PTPN2: variants seen among roughly 807,000 people sequenced by gnomAD.
PTPN2 encodes the protein tyrosine-protein phosphatase non-receptor type 2.
Under a neutral mutation model 57.3 loss-of-function variants are expected in PTPN2, and 19 were observed. The observed-to-expected ratio is 0.33, with a 90% CI of 0.23 to 0.49. The LOEUF is 0.49. Ranked by LOEUF, PTPN2 falls within the 20% of genes least tolerant of loss-of-function variation. The pLI is 0.99. For missense variants in PTPN2, 358 were observed against 501.1 expected (o/e 0.71, Z 2.73); for synonymous variants, 153 against 164.9 (o/e 0.93, Z 0.55).
chr18:12,861,288 T>C (rs1598868160), intron 1 of PTPN2, among the ~76,000 whole-genome samples: 1 of 152,222 alleles, frequency 6.6e-6, no homozygotes, highest in African/African-American at 2.4e-5. Flanking sequence ...AAATTTAATT[T>C]TATCCCTTCC....
intron 1 of PTPN2, among the ~76,000 whole-genome samples, chr18:12,876,816 C>T (rs1008199435): frequency 3.9e-5 from 6 of 152,216 alleles, no homozygotes; most frequent in Non-Finnish European, 5.9e-5. Context: ...CAAGTCTGAT[C>T]CCTGGATCCC....
chr18:12,845,905 T>C (rs113267710), intron 2 of PTPN2, among the ~76,000 whole-genome samples: 24 of 152,314 alleles, frequency 1.6e-4, no homozygotes, highest in African/African-American at 5.8e-4. Context: ...AAATTAACAG[T>C]GATACTTTAC....
chr18:12,791,877 T>G (rs2040992864), downstream of PTPN2, among the ~76,000 whole-genome samples: 2 of 152,226 alleles, frequency 1.3e-5, no homozygotes, highest in Admixed American at 1.3e-4. Context: ...CCTCAAGTCT[T>G]CACCTGTGTA....
At chr18:12,883,889 T>TTTTTA in intron 1 of PTPN2, 184 bp downstream of exon 1, 1 of 471,330 alleles carries the variant, frequency 2.1e-6, no homozygotes, top group Non-Finnish European at 3.7e-6. Context: ...TTTTTTTTTT[T>TTTTTA]AAACCAAAAG....
chr18:12,871,252 G>C (rs893086788), intron 1 of PTPN2, among the ~76,000 whole-genome samples: 2 of 152,186 alleles, frequency 1.3e-5, no homozygotes, highest in Non-Finnish European at 2.9e-5. Flanking sequence ...AAATAATGCT[G>C]CTATGAATAA....
chr18:12,859,253 T>G lies in PTPN2; in HGVS notation c.71A>C (p.Glu24Ala), dbSNP rs748912308. 1 of 1,603,128 alleles carries G rather than the reference T, an allele frequency of 6.2e-7. No homozygotes were observed. Among genetic ancestry groups the G allele is most frequent in the Non-Finnish European group, 8.5e-7 (1 of 1,172,738 alleles). The change falls in exon 2 of 9, where the codon GAA (glutamate) becomes GCA (alanine). Residue 24 changes from glutamate to alanine, a missense_variant and splice_region_variant. By Grantham distance (107) the Glu-to-Ala change is moderately radical. Around this residue, in one of 4 missense-constraint regions of PTPN2, gnomAD observed 62 missense variants for 47.9 expected, o/e 1.29. Coordinates refer to ENST00000309660, the MANE Select transcript of PTPN2 (RefSeq NM_002828.4). ...TQRRWQPLYLEIRNESHDYPH... is the reference protein window; with the variant it reads ...TQRRWQPLYLAIRNESHDYPH... ...ATAGTCATGGGACTCATTTCGAATT[T>G]CCTTAAAATAACAAAAATATATTTT...
chr18:12,859,326 C>T lies in PTPN2; in HGVS notation c.70-72G>A, dbSNP rs927145856. 116 of 1,037,044 alleles carry T rather than the reference C, an allele frequency of 1.1e-4. 1 individual carries two copies. The Admixed American group carries it at 2.2e-3, about 19-fold the overall frequency. The allele number at this position is 1,037,044 out of a possible 1,614,324, so 64.2% of individuals were successfully genotyped here. A position where few individuals can be genotyped will look rare whatever the true frequency, so the allele number is the denominator to read the frequency against. On this transcript the variant is annotated intron_variant, in intron 1 of 8. Coordinates refer to ENST00000309660, the MANE Select transcript of PTPN2 (RefSeq NM_002828.4). Reference sequence around the variant, plus strand: ...CAGCAAAACTTATCTTCCCAGCCAGCGTAAAATAACATGAAGCACTTATGA... The same window carrying T: ...CAGCAAAACTTATCTTCCCAGCCAGTGTAAAATAACATGAAGCACTTATGA...
intron 4 of PTPN2, among the ~76,000 whole-genome samples, chr18:12,827,589 T>C (rs2042522054): frequency 6.6e-6 from 1 of 151,716 alleles, no homozygotes. Context: ...CTCACTTTGT[T>C]GTCGAGGCTG....
intron 1 of PTPN2, among the ~76,000 whole-genome samples, chr18:12,866,303 TGGC>T (rs2043990412): frequency 6.6e-6 from 1 of 151,992 alleles, no homozygotes; most frequent in African/African-American, 2.4e-5. Flanking sequence ...CCGGGTGTGG[TGGC>T]GGGCGCCTGT....
At position 12,825,870 on chromosome 18, in the gene PTPN2, G is replaced by C; in HGVS notation, c.435C>G (p.Leu145=). ...AATACGACTTCACATCTTCTGACAA[G>C]AGCTTCACACTGAATCCTGTTTCTT... The part of the protein sequence containing the change: ...LFKETGFSVK[L]LSEDVKSYYT... The change falls in exon 5 of 9, where the codon CTC becomes CTG. Residue 145 remains leucine, a synonymous_variant. Transcript: ENST00000309660. 1.2e-6 allele frequency: 2 copies of C among 1,611,040 alleles called. No homozygotes were observed. The highest frequency in any genetic ancestry group is 1.7e-6 in the Non-Finnish European group (2 of 1,178,328).
chr18:12,866,092 A>T (rs1008049951), intron 1 of PTPN2, among the ~76,000 whole-genome samples: 1 of 152,370 alleles, frequency 6.6e-6, no homozygotes, highest in South Asian at 2.1e-4. Context: ...TTAGAAGAAG[A>T]AACAAAGTAA....
intron 7 of PTPN2, among the ~76,000 whole-genome samples, chr18:12,805,227 T>C (rs59698881): frequency 0.15 from 23,405 of 151,676 alleles, 2,036 homozygotes; most frequent in African/African-American, 0.22. Context: ...GAGGCTGAGG[T>C]GGGTGAATCA....
chr18:12,870,801 G>A (rs1163098365), intron 1 of PTPN2, among the ~76,000 whole-genome samples: 5 of 151,740 alleles, frequency 3.3e-5, no homozygotes, highest in Admixed American at 2.6e-4. Flanking sequence ...GAGCCACCGC[G>A]CCCGGCAGCA....
intron 1 of PTPN2, among the ~76,000 whole-genome samples, chr18:12,870,402 C>CACGTATATATATGTATATATAT (rs1451496258): frequency 2.1e-5 from 1 of 46,580 alleles, no homozygotes; most frequent in Non-Finnish European, 3.3e-5. Context: ...TGTATATATA[C>CACGTATATATATGTATATATAT]ACGTATATAT....
At chr18:12,809,665 C>A (rs1396387999) in intron 7 of PTPN2, among the ~76,000 whole-genome samples, 2 of 152,132 alleles carry the variant, frequency 1.3e-5, no homozygotes, top group Non-Finnish European at 2.9e-5. Flanking sequence ...CTACTTATTG[C>A]CCGAGGAGTC....
chr18:12,799,374 G>A lies in PTPN2; in HGVS notation c.1040+2596C>T, dbSNP rs775422927. Among the ~76,000 whole-genome samples the A allele has an allele frequency of 6.0e-5, 9 of 151,166 alleles. No individual in the cohort carries two copies. In the East Asian group the frequency reaches 7.8e-4, roughly 13 times the overall value. ...GGAGGTTGCAGTGAGCCAAGACTGC[G>A]CCACTGCACTTCAGCCTGGGTGACA... On this transcript the variant is annotated intron_variant, in intron 8 of 8. Coordinates refer to ENST00000309660, the MANE Select transcript of PTPN2 (RefSeq NM_002828.4).
intron 1 of PTPN2, among the ~76,000 whole-genome samples, chr18:12,872,662 C>T (rs1192764423): frequency 1.3e-5 from 2 of 152,218 alleles, no homozygotes; most frequent in Non-Finnish European, 2.9e-5. Context: ...ACTAAAACCA[C>T]ATGCTAAGTT....
chr18:12,824,035 C>T (rs888084838), intron 5 of PTPN2, among the ~76,000 whole-genome samples: 1 of 152,030 alleles, frequency 6.6e-6, no homozygotes. Context: ...GGGATAAATA[C>T]CAAGAGAAGA....
At chr18:12,830,918 G>A (rs766737224) in intron 4 of PTPN2, 25 bp downstream of exon 4, 1 of 1,498,250 alleles carries the variant, frequency 6.7e-7, no homozygotes. Context: ...AGTATACTAA[G>A]TTGTAAATAT....
Sources: gnomAD v4.1 joint callset for allele counts (sites outside exome capture counted in the v4.1 genomes callset) on GRCh38, gnomAD v4.1.1 for gene constraint, gnomAD v4.1.1 regional missense constraint, MANE v1.5 for transcripts, NCBI Gene and HGNC (gene_info 2026-07-23, HGNC 2026-07-21) for gene names.